The following CYFIP1 variants were observed in gnomAD, a reference collection of about 807,000 sequenced individuals.
CYFIP1 encodes the protein cytoplasmic FMR1 interacting protein 1, also known as cytoplasmic FMR1-interacting protein 1.
Under a neutral mutation model 163.5 loss-of-function variants are expected in CYFIP1, and 58 were observed. That is an observed-to-expected ratio of 0.35 (90% CI 0.29 to 0.44). The LOEUF is 0.44. Among genes scored for constraint, CYFIP1 ranks in the 20% least tolerant of loss-of-function variants. CYFIP1 has a pLI of 1.00. For synonymous variants in CYFIP1, 663 were observed against 660.7 expected, an observed-to-expected ratio of 1.00 and a Z score of -0.05; for missense variants, 1,338 against 1,653.8, an observed-to-expected ratio of 0.81 and a Z score of 3.31.
Position 22,914,808 on chromosome 15 carries a change from T to C in CYFIP1, c.1903A>G (p.Arg635Gly). 1 of 1,613,852 alleles carries C rather than the reference T, an allele frequency of 6.2e-7. No individual in the cohort carries two copies. The highest frequency in any genetic ancestry group is 8.5e-7 in the Non-Finnish European group (1 of 1,179,876). The change falls in exon 17 of 31, where the codon AGG becomes GGG. Residue 635 changes from arginine to glycine, a missense_variant. Arg to Gly is a moderately radical substitution (Grantham distance 125). Around this residue, in one of 4 missense-constraint regions of CYFIP1, gnomAD observed 824 missense variants for 995.7 expected, o/e 0.83. Transcript: ENST00000617928. ...EFFLELTMGR[R>G]IQFPIEMSMP... ...GACATCTCAATGGGGAACTGGATCC[T>C]CCTGCCCATGGTCAGCTCCAGGAAG...
At chr15:22,921,503 G>C (rs2061175757) in intron 13 of CYFIP1, among the ~76,000 whole-genome samples, 1 of 151,802 alleles carries the variant, frequency 6.6e-6, no homozygotes, top group African/African-American at 2.4e-5. Flanking sequence ...TGCTTAGCAA[G>C]AATAACAAAG....
chr15:22,870,081 C>T lies in CYFIP1; in HGVS notation c.3709G>A (p.Glu1237Lys), dbSNP rs2059382618. Reference protein sequence around the residue: ...KSGDGEGTPVEHVRCFQPPIH... With the variant: ...KSGDGEGTPVKHVRCFQPPIH... ...GGCGGCTGGAAGCAGCGCACATGCT[C>T]CACTGGCGTGCCCTCCCCGTCGCCT... Residue 1237 changes from glutamate (E) to lysine (K), a missense_variant, in exon 31 of 31, where the codon GAG becomes AAG. Physicochemically the swap from Glu to Lys is moderately conservative, Grantham distance 56 (BLOSUM62 1). This residue lies in a region of CYFIP1 where 306 missense variants were observed against 322.1 expected (regional missense o/e 0.95). Transcript: ENST00000617928. 6.2e-7 allele frequency: 1 copy of T among 1,612,544 alleles called. No individual in the cohort carries two copies. The highest frequency in any genetic ancestry group is 8.5e-7 in the Non-Finnish European group (1 of 1,179,454).
At chr15:22,980,054 G>A (rs1436991863) in intron 1 of CYFIP1, among the ~76,000 whole-genome samples, 2 of 151,772 alleles carry the variant, frequency 1.3e-5, no homozygotes, top group Non-Finnish European at 2.9e-5. Flanking sequence ...CCAGTGCAGG[G>A]AGTGCGGGGA....
intron 26 of CYFIP1, among the ~76,000 whole-genome samples, chr15:22,876,707 T>C (rs2059594564): frequency 6.6e-6 from 1 of 151,972 alleles, no homozygotes; most frequent in Non-Finnish European, 1.5e-5. Flanking sequence ...GGCACATGCC[T>C]GTAATCCCAG....
At chr15:22,921,764 C>CAAAAAAAAA (rs35027433) in intron 13 of CYFIP1, among the ~76,000 whole-genome samples, 1 of 58,192 alleles carries the variant, frequency 1.7e-5, no homozygotes. Context: ...GACTCTGTCT[C>CAAAAAAAAA]AAAAAAAAAA....
intron 11 of CYFIP1, 64 bp downstream of exon 11, chr15:22,932,159 T>A: frequency 8.6e-7 from 1 of 1,163,778 alleles, no homozygotes; most frequent in East Asian, 2.5e-5. Flanking sequence ...AAACCTAAGA[T>A]TTGGGTGCAA....
chr15:22,959,243 G>C (rs928320327), intron 1 of CYFIP1, among the ~76,000 whole-genome samples: 4 of 152,162 alleles, frequency 2.6e-5, no homozygotes, highest in Non-Finnish European at 5.9e-5. Flanking sequence ...AGTGCTCCTC[G>C]ACGACGGCCA....
At chr15:22,957,921 G>A (rs556944425) in intron 1 of CYFIP1, among the ~76,000 whole-genome samples, 3 of 152,258 alleles carry the variant, frequency 2.0e-5, no homozygotes, top group African/African-American at 7.2e-5. Context: ...GTGCTCTTCT[G>A]TATTTGGAAG....
At chr15:22,928,928 C>G (rs935113694) in intron 11 of CYFIP1, among the ~76,000 whole-genome samples, 3 of 151,810 alleles carry the variant, frequency 2.0e-5, no homozygotes, top group African/African-American at 7.3e-5. Flanking sequence ...TTAAAATCCT[C>G]TGAGTGAGGG....
chr15:22,943,044 T>G, intron 6 of CYFIP1, 129 bp downstream of exon 6: 1 of 818,058 alleles, frequency 1.2e-6, no homozygotes, highest in Admixed American at 2.5e-5. Flanking sequence ...GCCCTGACAC[T>G]GAGACGTAGC....
At chr15:22,913,659 T>C (rs374979680) in intron 17 of CYFIP1, among the ~76,000 whole-genome samples, 22 of 111,976 alleles carry the variant, frequency 2.0e-4, no homozygotes, top group African/African-American at 5.8e-4. Context: ...ATCCCACAGC[T>C]CACCAGGAGC....
At chr15:22,940,189 G>A (rs2061852376) in intron 6 of CYFIP1, among the ~76,000 whole-genome samples, 1 of 152,188 alleles carries the variant, frequency 6.6e-6, no homozygotes, top group Admixed American at 6.5e-5. Context: ...ATAAGGATAG[G>A]TCTGTGCAAC....
At chr15:22,925,325 G>A (rs1212842557) in intron 13 of CYFIP1, among the ~76,000 whole-genome samples, 1 of 152,210 alleles carries the variant, frequency 6.6e-6, no homozygotes, top group African/African-American at 2.4e-5. Flanking sequence ...CAAAGCTACA[G>A]AGTGGTGCTG....
At chr15:22,953,069 T>C (rs2062313829) in intron 1 of CYFIP1, among the ~76,000 whole-genome samples, 1 of 152,252 alleles carries the variant, frequency 6.6e-6, no homozygotes, top group Non-Finnish European at 1.5e-5. Flanking sequence ...CCGGCCCGCT[T>C]CCAAGGGCTC....
In CYFIP1 at chr15:22,912,185, C is replaced by A; in HGVS notation, c.2076G>T (p.Glu692Asp). 1 of 1,613,554 alleles carries A rather than the reference C, an allele frequency of 6.2e-7. No individual in the cohort carries two copies. The highest frequency in any genetic ancestry group is 8.5e-7 in the Non-Finnish European group (1 of 1,179,696). The change falls in exon 18 of 31, where the codon GAG (glutamate) becomes GAT (aspartate). Residue 692 changes from glutamate (E) to aspartate (D), a missense_variant. This residue lies in a region of CYFIP1 where 824 missense variants were observed against 995.7 expected (regional missense o/e 0.83). Coordinates refer to ENST00000617928, the MANE Select transcript of CYFIP1 (RefSeq NM_014608.6). ...GGAGCTGCAGGGGCCTCACCTCGGCCTCAATTTCGTCGTACAGGAACTGCT... is the reference window on the plus strand; with the variant it reads ...GGAGCTGCAGGGGCCTCACCTCGGCATCAATTTCGTCGTACAGGAACTGCT... ...FNKQFLYDEIEAEVNLCFDQF... is the reference protein window; with the variant it reads ...FNKQFLYDEIDAEVNLCFDQF...
At chr15:22,969,585 G>A (rs1385748207) in intron 1 of CYFIP1, among the ~76,000 whole-genome samples, 1 of 152,170 alleles carries the variant, frequency 6.6e-6, no homozygotes, top group Non-Finnish European at 1.5e-5. Context: ...CGGAGCTGCT[G>A]TGGCCATCAG....
intron 9 of CYFIP1, among the ~76,000 whole-genome samples, chr15:22,934,622 C>A (rs1314078205): frequency 6.7e-6 from 1 of 149,788 alleles, no homozygotes; most frequent in Non-Finnish European, 1.5e-5. Context: ...CTCAGCCTCC[C>A]GAGGAGCTGG....
chr15:22,923,004 A>G (rs1468318742), intron 13 of CYFIP1, among the ~76,000 whole-genome samples: 2 of 152,160 alleles, frequency 1.3e-5, no homozygotes, highest in African/African-American at 4.8e-5. Context: ...AAAAGAAAAA[A>G]AAAAAAGACT....
intron 16 of CYFIP1, among the ~76,000 whole-genome samples, chr15:22,915,877 A>G (rs1250402279): frequency 6.6e-6 from 1 of 152,212 alleles, no homozygotes; most frequent in East Asian, 1.9e-4. Context: ...AGATTAAAAG[A>G]GCCCACACTC....
Sources: gnomAD v4.1 joint callset for allele counts (sites outside exome capture counted in the v4.1 genomes callset) on GRCh38, gnomAD v4.1.1 for gene constraint, gnomAD v4.1.1 regional missense constraint, MANE v1.5 for transcripts, NCBI Gene and HGNC (gene_info 2026-07-23, HGNC 2026-07-21) for gene names.